The following FAF2 variants were observed in gnomAD, a reference collection of about 807,000 sequenced individuals.
FAF2 encodes the protein Fas associated factor family member 2.
In FAF2, 9 loss-of-function variants were observed where a neutral mutation model predicts 62.3. The observed-to-expected ratio is 0.14, with a 90% confidence interval of 0.09 to 0.25. FAF2 has a LOEUF of 0.25. FAF2 is among the 10% of genes least tolerant of loss of function. FAF2 has a pLI of 1.00. For synonymous variants in FAF2, 202 were observed against 198.0 expected (o/e 1.02, Z -0.17); for missense variants, 368 against 556.2 (o/e 0.66, Z 3.40).
chr5:176,482,504 G>A (rs1032489030), intron 2 of FAF2, among the ~76,000 whole-genome samples: 4 of 151,746 alleles, frequency 2.6e-5, no homozygotes, highest in South Asian at 4.2e-4. Context: ...TAAGCACTGC[G>A]TCTGGCCAGT....
intron 2 of FAF2, among the ~76,000 whole-genome samples, chr5:176,485,579 A>G (rs1758861647): frequency 6.6e-6 from 1 of 152,180 alleles, no homozygotes; most frequent in African/African-American, 2.4e-5. Context: ...TTAAGGAGGG[A>G]ATGAATTTTT....
chr5:176,506,200 A>AC (rs1450849571), intron 10 of FAF2, among the ~76,000 whole-genome samples: 17 of 148,844 alleles, frequency 1.1e-4, no homozygotes, highest in Middle Eastern at 6.8e-3. Context: ...CTCAAAAAAA[A>AC]AAAAAACAAA....
chr5:176,457,649 C>T (rs1381509666), intron 1 of FAF2, among the ~76,000 whole-genome samples: 5 of 98,178 alleles, frequency 5.1e-5, no homozygotes, highest in Non-Finnish European at 8.5e-5. Flanking sequence ...GAACTGTTTT[C>T]AGGGGTGTGT....
intron 10 of FAF2, among the ~76,000 whole-genome samples, 165 bp from the exon 11 acceptor site, chr5:176,506,603 A>G (rs1349636067): frequency 6.6e-6 from 1 of 152,188 alleles, no homozygotes; most frequent in African/African-American, 2.4e-5. Flanking sequence ...ATGCCATGGG[A>G]AATGAAAAGA....
intron 1 of FAF2, among the ~76,000 whole-genome samples, chr5:176,468,499 G>T (rs910376113): frequency 2.0e-5 from 3 of 151,834 alleles, no homozygotes; most frequent in Non-Finnish European, 4.4e-5. Context: ...CAGGAGAATG[G>T]TGTGAACCCG....
At position 176,507,052 on chromosome 5, in the gene FAF2, ATATTAT is replaced by A. The variant is rs200399884; in HGVS notation, c.*115_*120del. 3.5e-5 allele frequency: 23 copies of A among 652,928 alleles called. No homozygotes were observed. The highest frequency in any genetic ancestry group is 2.6e-4 in the Admixed American group (6 of 23,408). The allele number at this position is 652,928 out of a possible 1,614,324, so 40.4% of individuals were successfully genotyped here. On this transcript the variant is annotated 3_prime_UTR_variant, in exon 11 of 11. Coordinates refer to ENST00000261942, the MANE Select transcript of FAF2 (RefSeq NM_014613.3). ...AAAAAAAAACAAGAGAGAGAAATTC[ATATTAT>A]TATTATTATTATAATACAATATTTT...
chr5:176,490,483 A>C (rs1758954982), intron 4 of FAF2, among the ~76,000 whole-genome samples: 1 of 151,356 alleles, frequency 6.6e-6, no homozygotes, highest in South Asian at 2.1e-4. Context: ...CTTCCCTGGA[A>C]GTACAGGTTC....
chr5:176,494,286 T>A lies in FAF2; in HGVS notation c.661+11T>A. 5 of 1,599,238 alleles carry A rather than the reference T, an allele frequency of 3.1e-6. No individual in the cohort carries two copies. Among genetic ancestry groups the A allele is most frequent in the Non-Finnish European group, 4.3e-6 (5 of 1,167,322 alleles). ...CTGAGGGATACAGGGGTAAGTTATGTTTCTTCTGCCTCATTGAGATTGTTG... is the reference window on the plus strand; with the variant it reads ...CTGAGGGATACAGGGGTAAGTTATGATTCTTCTGCCTCATTGAGATTGTTG... On this transcript the variant is annotated intron_variant, in intron 7 of 10. Coordinates refer to ENST00000261942, the MANE Select transcript of FAF2 (RefSeq NM_014613.3). The surrounding 1 kb of genome is among the most constrained non-coding windows in gnomAD (Gnocchi z 4.0).
At chr5:176,497,144 T>G (rs957703076) in intron 8 of FAF2, among the ~76,000 whole-genome samples, 6 of 152,124 alleles carry the variant, frequency 3.9e-5, no homozygotes, top group Middle Eastern at 3.2e-3. Context: ...GGACTCTGTC[T>G]TTAAAAAATA....
At chr5:176,478,892 T>C (rs887049038) in intron 1 of FAF2, among the ~76,000 whole-genome samples, 11 of 152,328 alleles carry the variant, frequency 7.2e-5, no homozygotes, top group African/African-American at 2.2e-4. Context: ...AGCCCACAGG[T>C]TGAAAAATCT....
intron 1 of FAF2, among the ~76,000 whole-genome samples, chr5:176,463,905 G>T (rs1329073270): frequency 6.6e-6 from 1 of 151,646 alleles, no homozygotes; most frequent in African/African-American, 2.4e-5. Flanking sequence ...AATTTTTGTA[G>T]TTTTAGTAGA....
In FAF2 at chr5:176,494,357, A is replaced by G; in HGVS notation, c.661+82A>G. ...GGAAAGACATGCCATGCCATTTATTACAAGTGTGTTTGTTCTGTGGTAGAT... is the reference window on the plus strand; with the variant it reads ...GGAAAGACATGCCATGCCATTTATTGCAAGTGTGTTTGTTCTGTGGTAGAT... On this transcript the variant is annotated intron_variant, in intron 7 of 10. Coordinates refer to ENST00000261942, the MANE Select transcript of FAF2 (RefSeq NM_014613.3). This position sits in a 1 kb window ranked among gnomAD's most constrained non-coding sequence, Gnocchi z 4.0. 2.5e-6 allele frequency: 3 copies of G among 1,176,694 alleles called. No individual in the cohort carries two copies. The highest frequency in any genetic ancestry group is 3.8e-6 in the Non-Finnish European group (3 of 784,214). 72.9% of individuals were successfully genotyped at this position (1,176,694 alleles called of 1,614,324 possible).
intron 1 of FAF2, among the ~76,000 whole-genome samples, chr5:176,451,264 G>T (rs569103414): frequency 6.6e-6 from 1 of 152,288 alleles, no homozygotes; most frequent in South Asian, 2.1e-4. Flanking sequence ...CCAGCTACTA[G>T]GGGGGCTGAG....
At chr5:176,489,958 A>G (rs545223679) in intron 4 of FAF2, among the ~76,000 whole-genome samples, 68 of 152,184 alleles carry the variant, frequency 4.5e-4, no homozygotes, top group Middle Eastern at 3.4e-3. Context: ...AGCTTCCTTC[A>G]TGTACCATTA....
intron 1 of FAF2, among the ~76,000 whole-genome samples, chr5:176,476,858 G>A (rs962212433): frequency 2.2e-5 from 3 of 138,908 alleles, no homozygotes; most frequent in African/African-American, 8.3e-5. Flanking sequence ...CACCCAGGCT[G>A]GAGTGCAGTG....
intron 8 of FAF2, among the ~76,000 whole-genome samples, chr5:176,498,558 A>G (rs1207863654): frequency 6.6e-6 from 1 of 152,220 alleles, no homozygotes; most frequent in Non-Finnish European, 1.5e-5. Flanking sequence ...TTATGAGATC[A>G]GTACAAAAAT....
chr5:176,450,622 C>T (rs1208326408), intron 1 of FAF2, among the ~76,000 whole-genome samples: 1 of 151,098 alleles, frequency 6.6e-6, no homozygotes, highest in African/African-American at 2.4e-5. Flanking sequence ...GGCGCGATCT[C>T]GGCTCACTGC....
chr5:176,451,817 T>TATATATATACAC (rs1561813426), intron 1 of FAF2, among the ~76,000 whole-genome samples: 88 of 7,604 alleles, frequency 0.012, 5 homozygotes, highest in Non-Finnish European at 0.021. Context: ...TATACACACA[T>TATATATATACAC]ATATATATAT....
intron 9 of FAF2, 50 bp from the exon 10 acceptor site, chr5:176,499,953 T>G (rs773742929): frequency 2.6e-5 from 42 of 1,600,472 alleles, no homozygotes; most frequent in Admixed American, 1.1e-4. Flanking sequence ...ACATGGTCAT[T>G]GTATTTATTT....
Sources: gnomAD v4.1 joint callset for allele counts (sites outside exome capture counted in the v4.1 genomes callset) on GRCh38, gnomAD v4.1.1 for gene constraint, Gnocchi (gnomAD v3.1) non-coding constraint, MANE v1.5 for transcripts, NCBI Gene and HGNC (gene_info 2026-07-23, HGNC 2026-07-21) for gene names.